TNNI3K: variants seen among roughly 807,000 people sequenced by gnomAD.
TNNI3K encodes the protein TNNI3 interacting kinase.
In TNNI3K, 140 loss-of-function variants were observed where a neutral mutation model predicts 114.5. That is an observed-to-expected ratio of 1.22 (90% CI 1.07 to 1.41). The LOEUF (loss-of-function observed/expected upper bound fraction) is 1.41. TNNI3K is among the 40% of genes most tolerant of loss of function. TNNI3K has a pLI of 0.00. For synonymous variants in TNNI3K, 347 were observed against 347.5 expected (o/e 1.00, Z 0.02); for missense variants, 1,125 against 1,007.6 (o/e 1.12, Z -1.58).
At chr1:74,499,144 T>A (rs1447571513) in intron 23 of TNNI3K, among the ~76,000 whole-genome samples, 1 of 152,166 alleles carries the variant, frequency 6.6e-6, no homozygotes, top group Non-Finnish European at 1.5e-5. Flanking sequence ...CAGCATGCAT[T>A]TCCCTTGAAC....
intron 5 of TNNI3K, among the ~76,000 whole-genome samples, chr1:74,309,008 A>AG (rs1246298753): frequency 6.6e-6 from 1 of 152,198 alleles, no homozygotes; most frequent in African/African-American, 2.4e-5. Flanking sequence ...AATCAGTGAT[A>AG]GAAAAACTAC....
intron 23 of TNNI3K, among the ~76,000 whole-genome samples, chr1:74,515,460 C>CA (rs1332976505): frequency 1.3e-5 from 2 of 152,070 alleles, no homozygotes; most frequent in Admixed American, 6.6e-5. Flanking sequence ...TTTATCATGC[C>CA]AATACATATA....
intron 5 of TNNI3K, among the ~76,000 whole-genome samples, chr1:74,301,073 ACAT>A (rs768991064): frequency 2.0e-5 from 3 of 152,180 alleles, no homozygotes; most frequent in Non-Finnish European, 4.4e-5. Flanking sequence ...TGTATAAAAT[ACAT>A]ACACATATTT....
At chr1:74,301,255 C>G (rs1658314747) in intron 5 of TNNI3K, among the ~76,000 whole-genome samples, 1 of 152,060 alleles carries the variant, frequency 6.6e-6, no homozygotes. Context: ...CAAAACTTAG[C>G]CAGGCGTGGT....
chr1:74,249,651 C>A, intron 3 of TNNI3K, 107 bp downstream of exon 3: 2 of 1,124,544 alleles, frequency 1.8e-6, no homozygotes, highest in Non-Finnish European at 2.4e-6. Flanking sequence ...ACTCAATTTT[C>A]CCTTCTGCTT....
chr1:74,499,108 G>T (rs766888195), intron 23 of TNNI3K, among the ~76,000 whole-genome samples: 2 of 152,140 alleles, frequency 1.3e-5, no homozygotes, highest in Non-Finnish European at 2.9e-5. Flanking sequence ...ATGCAGGTGC[G>T]TGCACACTGG....
intron 23 of TNNI3K, among the ~76,000 whole-genome samples, chr1:74,522,904 G>C (rs575066451): frequency 1.1e-4 from 17 of 152,308 alleles, no homozygotes; most frequent in Admixed American, 2.6e-4. Context: ...AGCTTCAGTA[G>C]GTTCATGATC....
At chr1:74,503,615 C>T (rs142854833) in intron 23 of TNNI3K, among the ~76,000 whole-genome samples, 7 of 152,070 alleles carry the variant, frequency 4.6e-5, no homozygotes, top group East Asian at 1.9e-4. Context: ...ATCTCTGAGA[C>T]GTAAAATTTT....
chr1:74,396,604 C>G (rs768187308), intron 17 of TNNI3K, among the ~76,000 whole-genome samples: 2 of 152,244 alleles, frequency 1.3e-5, no homozygotes, highest in African/African-American at 4.8e-5. Flanking sequence ...AGACAGCATC[C>G]GCCCGGGCAA....
At chr1:74,478,197 C>A (rs9727476) in intron 21 of TNNI3K, among the ~76,000 whole-genome samples, 11,200 of 152,042 alleles carry the variant, frequency 0.074, 964 homozygotes, top group African/African-American at 0.21. Flanking sequence ...AAATTAACAT[C>A]AAAAATCAGA....
intron 5 of TNNI3K, among the ~76,000 whole-genome samples, chr1:74,289,877 T>C (rs1349395543): frequency 6.6e-6 from 1 of 151,704 alleles, no homozygotes; most frequent in African/African-American, 2.4e-5. Context: ...AAATGAATTG[T>C]TAGAATGAGA....
At chr1:74,241,512 G>A (rs1433277853) in intron 2 of TNNI3K, among the ~76,000 whole-genome samples, 2 of 152,182 alleles carry the variant, frequency 1.3e-5, no homozygotes, top group African/African-American at 2.4e-5. Context: ...GTTTTGATTT[G>A]CATTTCTCTG....
chr1:74,475,386 T>G, intron 21 of TNNI3K: 1 of 717,046 alleles, frequency 1.4e-6, no homozygotes, highest in Non-Finnish European at 2.6e-6. Flanking sequence ...TTGGATTATA[T>G]GTTGTAAGTA....
intron 20 of TNNI3K, among the ~76,000 whole-genome samples, chr1:74,454,774 G>C (rs993166358): frequency 6.6e-6 from 1 of 152,076 alleles, no homozygotes; most frequent in African/African-American, 2.4e-5. Flanking sequence ...ACAATTGTTA[G>C]TTTTTTGAGA....
intron 5 of TNNI3K, among the ~76,000 whole-genome samples, chr1:74,291,866 A>T (rs1361002352): frequency 6.6e-6 from 1 of 151,476 alleles, no homozygotes; most frequent in Admixed American, 6.6e-5. Context: ...ATTTTTTGAC[A>T]TGTTCAATTG....
intron 17 of TNNI3K, among the ~76,000 whole-genome samples, chr1:74,386,047 T>G (rs1285373872): frequency 6.6e-6 from 1 of 152,240 alleles, no homozygotes; most frequent in Admixed American, 6.5e-5. Flanking sequence ...ATAAGTTTCA[T>G]AAGATCTGAT....
chr1:74,427,677 C>T (rs1665703001), intron 17 of TNNI3K, among the ~76,000 whole-genome samples: 1 of 151,988 alleles, frequency 6.6e-6, no homozygotes, highest in Non-Finnish European at 1.5e-5. Context: ...TTACCTTGAT[C>T]GTCACTTCAG....
chr1:74,309,760 C>G (rs1192579699), intron 5 of TNNI3K, among the ~76,000 whole-genome samples: 3 of 152,022 alleles, frequency 2.0e-5, no homozygotes, highest in African/African-American at 2.4e-5. Flanking sequence ...ATCAAACATC[C>G]CTTCATGATA....
intron 23 of TNNI3K, among the ~76,000 whole-genome samples, chr1:74,506,951 G>T (rs1669936022): frequency 6.6e-6 from 1 of 152,042 alleles, no homozygotes; most frequent in Non-Finnish European, 1.5e-5. Flanking sequence ...TGTTGAATAA[G>T]TTTCTTGAGG....
Sources: allele counts gnomAD v4.1 joint callset (sites outside exome capture counted in the v4.1 genomes callset), GRCh38; gene constraint gnomAD v4.1.1; transcripts MANE v1.5; gene names NCBI Gene and HGNC (gene_info 2026-07-23, HGNC 2026-07-21).